DNAH11: variants seen among roughly 807,000 people sequenced by gnomAD.
DNAH11 encodes the protein dynein axonemal heavy chain 11, also known as axonemal beta dynein heavy chain 11.
In DNAH11, 442 loss-of-function variants were observed where a neutral mutation model predicts 526.0. The ratio of observed to expected loss-of-function variants is 0.84; its 90% CI spans 0.78 to 0.91. The LOEUF (loss-of-function observed/expected upper bound fraction) is 0.91, where lower values mean the gene tolerates loss of function less well. Among genes scored for constraint, DNAH11 ranks in the 40% least tolerant of loss-of-function variants. DNAH11 has a pLI of 0.00. For missense variants in DNAH11, 6,989 were observed against 5,448.7 expected (o/e 1.28, Z -8.90); for synonymous variants, 2,461 against 1,935.9 (o/e 1.27, Z -7.12).
intron 24 of DNAH11, 75 bp from the exon 25 acceptor site, chr7:21,619,880 AT>A (rs1477753658): frequency 1.4e-6 from 2 of 1,427,916 alleles, no homozygotes; most frequent in Non-Finnish European, 9.5e-7. Flanking sequence ...GTTGAAAAAA[AT>A]TAATTCCAGA....
chr7:21,713,924 A>G (rs1352210404), intron 42 of DNAH11, among the ~76,000 whole-genome samples: 3 of 152,102 alleles, frequency 2.0e-5, no homozygotes, highest in Non-Finnish European at 2.9e-5. Context: ...GGATGCTTCT[A>G]TTGGTTGGGA....
intron 25 of DNAH11, among the ~76,000 whole-genome samples, chr7:21,622,638 G>A (rs555721632): frequency 1.3e-5 from 2 of 152,112 alleles, no homozygotes; most frequent in Non-Finnish European, 2.9e-5. Flanking sequence ...CAATGGAACA[G>A]AACAGAGCCC....
intron 49 of DNAH11, among the ~76,000 whole-genome samples, 182 bp from the exon 50 acceptor site, chr7:21,744,256 T>C (rs1410944038): frequency 6.6e-6 from 1 of 152,194 alleles, no homozygotes; most frequent in African/African-American, 2.4e-5. Flanking sequence ...CATACTAAAA[T>C]TTTAAAATAT....
Position 21,707,848 on chromosome 7 carries a change from C to G in DNAH11, c.6683+13C>G, listed in dbSNP as rs17145077. 3,432 of 1,556,698 alleles carry G rather than the reference C, an allele frequency of 2.2e-3. 60 individuals carry two copies. The African/African-American group carries it at 0.041, about 19-fold the overall frequency. On this transcript the variant is annotated intron_variant, in intron 40 of 81. Coordinates refer to ENST00000409508, the MANE Select transcript of DNAH11 (RefSeq NM_001277115.2). ...GGAAAGATGGCAAGTAGTATTTCCCCTTTAGAAGTGCTCAATTTTTTTTTT... is the reference window on the plus strand; with the variant it reads ...GGAAAGATGGCAAGTAGTATTTCCCGTTTAGAAGTGCTCAATTTTTTTTTT...
chr7:21,835,885 G>A (rs769453019), intron 65 of DNAH11, among the ~76,000 whole-genome samples: 41 of 147,100 alleles, frequency 2.8e-4, no homozygotes, highest in Non-Finnish European at 4.8e-4. Context: ...AAAAAAAACC[G>A]TTAGAACTAA....
intron 34 of DNAH11, among the ~76,000 whole-genome samples, chr7:21,689,871 A>C (rs1028927289): frequency 1.3e-5 from 2 of 152,126 alleles, no homozygotes; most frequent in African/African-American, 4.8e-5. Flanking sequence ...CCCTCATTTG[A>C]AAGTTTCCCT....
Position 21,739,707 on chromosome 7 carries a change from G to C in DNAH11, c.7914+34G>C, listed in dbSNP as rs765770505. 4.6e-6 allele frequency: 7 copies of C among 1,521,244 alleles called. No individual in the cohort carries two copies. The Admixed American group carries it at 5.2e-5, about 11-fold the overall frequency. 94.2% of individuals were successfully genotyped at this position (1,521,244 alleles called of 1,614,324 possible). ...TTGAATACTGCTCTCAAAAACTGTAGGTCTGTATTGTATTGTTTTCGAGTA... is the reference window on the plus strand; with the variant it reads ...TTGAATACTGCTCTCAAAAACTGTACGTCTGTATTGTATTGTTTTCGAGTA... On this transcript the variant is annotated intron_variant, in intron 48 of 81. Coordinates refer to ENST00000409508, the MANE Select transcript of DNAH11 (RefSeq NM_001277115.2).
At chr7:21,724,914 C>A (rs933800439) in intron 44 of DNAH11, among the ~76,000 whole-genome samples, 13 of 151,748 alleles carry the variant, frequency 8.6e-5, no homozygotes, top group Admixed American at 6.6e-4. Flanking sequence ...ATATAGGAGT[C>A]ACTGGGCCAG....
intron 34 of DNAH11, among the ~76,000 whole-genome samples, chr7:21,688,136 C>A (rs779797717): frequency 6.6e-6 from 1 of 152,168 alleles, no homozygotes; most frequent in African/African-American, 2.4e-5. Flanking sequence ...TGACCTCTGG[C>A]AGCATCTGAT....
Position 21,818,314 on chromosome 7 carries a change from G to A in DNAH11, c.10666G>A (p.Gly3556Ser), listed in dbSNP as rs1789899861. The change falls in exon 65 of 82, where the codon GGC becomes AGC. Residue 3556 changes from glycine to serine, a missense_variant. Physicochemically the swap from Gly to Ser is moderately conservative, Grantham distance 56. Transcript: ENST00000409508. ...TIDPVLDPLL[G>S]RNTIKKGKYI... ...AGATCCAGTCCTGGATCCACTACTT[G>A]GCAGGAACACAATTAAAAAAGGAAA... 6.2e-7 allele frequency: 1 copy of A among 1,606,210 alleles called. No individual in the cohort carries two copies. The highest frequency in any genetic ancestry group is 8.5e-7 in the Non-Finnish European group (1 of 1,177,534).
intron 54 of DNAH11, among the ~76,000 whole-genome samples, chr7:21,760,866 T>TA (rs112960297): frequency 0.7 from 106,949 of 152,038 alleles, 38,711 homozygotes; most frequent in Non-Finnish European, 0.79. Context: ...CCCTAAGGTG[T>TA]AAATAAAATG....
At chr7:21,857,231 C>T (rs547328742) in intron 68 of DNAH11, among the ~76,000 whole-genome samples, 27 of 152,160 alleles carry the variant, frequency 1.8e-4, no homozygotes, top group African/African-American at 5.3e-4. Flanking sequence ...CTTCCAAAGC[C>T]GTGAAGCTTT....
intron 63 of DNAH11, among the ~76,000 whole-genome samples, chr7:21,813,953 T>C (rs1438907334): frequency 6.6e-6 from 1 of 152,216 alleles, no homozygotes; most frequent in Non-Finnish European, 1.5e-5. Flanking sequence ...GAAGGGGATA[T>C]GTTCTGAGAA....
intron 25 of DNAH11, among the ~76,000 whole-genome samples, chr7:21,627,991 T>C (rs1370824707): frequency 1.3e-5 from 2 of 152,136 alleles, no homozygotes; most frequent in East Asian, 3.8e-4. Context: ...ACTTTCACTT[T>C]TCATCTTTCA....
At position 21,786,751 on chromosome 7, in the gene DNAH11, A is replaced by C; in HGVS notation, c.9725A>C (p.Lys3242Thr). 1.9e-6 allele frequency: 3 copies of C among 1,613,804 alleles called. No homozygotes were observed. Among genetic ancestry groups the C allele is most frequent in the Non-Finnish European group, 1.7e-6 (2 of 1,179,734 alleles). ...AAAGACCGAAGTTGGAAAGCAGCTA[A>C]AGTCTTCATGGGAAAGGTATCAGCC... ...VPKDRSWKAA[K>T]VFMGKVDDFL... Residue 3242 changes from lysine to threonine, a missense_variant, in exon 59 of 82, where the codon AAA (lysine) becomes ACA (threonine). Lys to Thr is a moderately conservative substitution (Grantham distance 78). Transcript: ENST00000409508.
chr7:21,740,594 T>G (rs1164366242), intron 48 of DNAH11, among the ~76,000 whole-genome samples: 4 of 152,202 alleles, frequency 2.6e-5, no homozygotes, highest in Non-Finnish European at 5.9e-5. Flanking sequence ...AGTACATGTA[T>G]TTACCACATT....
intron 30 of DNAH11, among the ~76,000 whole-genome samples, chr7:21,676,899 A>T (rs955078748): frequency 6.6e-6 from 1 of 152,200 alleles, no homozygotes; most frequent in South Asian, 2.1e-4. Context: ...TTTCCCTAGA[A>T]ACTTGCATAG....
At chr7:21,686,696 T>C (rs919848723) in intron 32 of DNAH11, among the ~76,000 whole-genome samples, 1 of 152,212 alleles carries the variant, frequency 6.6e-6, no homozygotes, top group Non-Finnish European at 1.5e-5. Context: ...ATACAGCCAA[T>C]GTTTAATTCA....
chr7:21,782,302 C>G (rs1314083620), intron 57 of DNAH11, among the ~76,000 whole-genome samples: 1 of 152,184 alleles, frequency 6.6e-6, no homozygotes, highest in Non-Finnish European at 1.5e-5. Context: ...TAGGCACTCC[C>G]TGCAACTCTT....
Sources: allele counts gnomAD v4.1 joint callset (sites outside exome capture counted in the v4.1 genomes callset), GRCh38; gene constraint gnomAD v4.1.1; transcripts MANE v1.5; gene names NCBI Gene and HGNC (gene_info 2026-07-23, HGNC 2026-07-21).